MN1: variants seen among roughly 807,000 people sequenced by gnomAD.
The protein encoded by MN1 is transcriptional activator MN1.
Under a neutral mutation model 86.9 loss-of-function variants are expected in MN1, and 19 were observed. That is an observed-to-expected ratio of 0.22 (90% CI 0.15 to 0.32). The LOEUF is 0.32. Among genes scored for constraint, MN1 ranks in the 10% least tolerant of loss-of-function variants. The probability of loss-of-function intolerance (pLI) is 1.00; values close to 1 mark genes in which losing one functional copy is unlikely to be tolerated. For synonymous variants in MN1, 928 were observed against 849.6 expected (o/e 1.09, Z -1.60); for missense variants, 1,841 against 1,862.0 (o/e 0.99, Z 0.21).
Position 27,797,899 on chromosome 22 carries a change from C to G in MN1, c.2645G>C (p.Gly882Ala), listed in dbSNP as rs1285075317. Residue 882 changes from glycine (G) to alanine (A), a missense_variant, in exon 1 of 2, where the codon GGG becomes GCG. Physicochemically the swap from Gly to Ala is moderately conservative, Grantham distance 60 (BLOSUM62 0). Coordinates refer to ENST00000302326, the MANE Select transcript of MN1 (RefSeq NM_002430.3). ...GGGTCCTGGGGCCCCAGGAGCAGTCCCTCCTGGGAAGTAATCCGAGCCCGG... is the reference window on the plus strand; with the variant it reads ...GGGTCCTGGGGCCCCAGGAGCAGTCGCTCCTGGGAAGTAATCCGAGCCCGG... ...GNPGSDYFPG[G>A]TAPGAPGPGG... 1.3e-6 allele frequency: 2 copies of G among 1,597,694 alleles called. No homozygotes were observed. The highest frequency in any genetic ancestry group is 2.2e-5 in the South Asian group (2 of 89,726).
chr22:27,799,369 C>T lies in MN1; in HGVS notation c.1175G>A (p.Gly392Asp). 1 of 1,557,686 alleles carries T rather than the reference C, an allele frequency of 6.4e-7. No individual in the cohort carries two copies. The highest frequency in any genetic ancestry group is 8.7e-7 in the Non-Finnish European group (1 of 1,154,472). ...QQGEAGTPSG[G>D]LQDGGPMLPS... ...CAGCATGGGGCCTCCGTCCTGCAGG[C>T]CGCCGCTGGGCGTGCCCGCCTCGCC... Residue 392 changes from glycine to aspartate, a missense_variant, in exon 1 of 2, where the codon GGC becomes GAC. Gly to Asp is a moderately conservative substitution (Grantham distance 94, BLOSUM62 -1). Transcript: ENST00000302326.
chr22:27,779,401 C>T (rs999882470), intron 1 of MN1, among the ~76,000 whole-genome samples: 1 of 152,166 alleles, frequency 6.6e-6, no homozygotes, highest in Non-Finnish European at 1.5e-5. Context: ...ACCACTGTCC[C>T]GTCACCTGTG....
At chr22:27,762,414 G>A (rs1932840832) in intron 1 of MN1, among the ~76,000 whole-genome samples, 1 of 152,136 alleles carries the variant, frequency 6.6e-6, no homozygotes, top group South Asian at 2.1e-4. Context: ...CAGTGCCAGG[G>A]GCTGACTTCA....
intron 1 of MN1, among the ~76,000 whole-genome samples, chr22:27,752,206 T>A (rs560458663): frequency 6.6e-6 from 1 of 152,228 alleles, no homozygotes; most frequent in Non-Finnish European, 1.5e-5. Flanking sequence ...AAGGGGAGTG[T>A]CCACCCGGCT....
intron 1 of MN1, among the ~76,000 whole-genome samples, chr22:27,767,726 A>G (rs1932880527): frequency 6.6e-6 from 1 of 151,986 alleles, no homozygotes; most frequent in Non-Finnish European, 1.5e-5. Context: ...CGCTCCAACA[A>G]CATCTCTGGG....
rs1932720849 is a variant in MN1, at chr22:27,748,598, T to G, written c.*2317A>C. 4.8e-6 allele frequency: 1 copy of G among 209,230 alleles called. No homozygotes were observed. The highest frequency in any genetic ancestry group is 2.3e-5 in the African/African-American group (1 of 43,940). The allele number at this position is 209,230 out of a possible 1,614,324, so 13.0% of individuals were successfully genotyped here. A position where few individuals can be genotyped will look rare whatever the true frequency, so the allele number is the denominator to read the frequency against. ...CAGTACTGATTACCAGTGTTCGGAG[T>G]CTAGTGTGTAGGGTGTGTTTTTCAT... is the stretch of plus-strand genomic sequence containing the variant. On this transcript the variant is annotated 3_prime_UTR_variant, in exon 2 of 2. Transcript: ENST00000302326.
intron 1 of MN1, among the ~76,000 whole-genome samples, chr22:27,782,973 C>T (rs566708156): frequency 2.5e-4 from 38 of 152,112 alleles, no homozygotes; most frequent in African/African-American, 8.9e-4. Context: ...AGAATCAAAA[C>T]GCCAGGGCTG....
chr22:27,799,708 G>C lies in MN1; in HGVS notation c.836C>G (p.Ala279Gly). The C allele has an allele frequency of 1.3e-6, 2 of 1,565,848 alleles. No individual in the cohort carries two copies. Among genetic ancestry groups the C allele is most frequent in the Non-Finnish European group, 1.7e-6 (2 of 1,156,018 alleles). ...AFPGASAMPR[A>G]AGMVGLSKMH... ...TTTGGACAAGCCCACCATGCCCGCA[G>C]CTCTGGGCATGGCCGAGGCGCCCGG... Residue 279 changes from alanine (A) to glycine (G), a missense_variant, in exon 1 of 2, where the codon GCT (alanine) becomes GGT (glycine). Coordinates refer to ENST00000302326, the MANE Select transcript of MN1 (RefSeq NM_002430.3).
intron 1 of MN1, among the ~76,000 whole-genome samples, chr22:27,778,376 A>G (rs1042054779): frequency 6.6e-6 from 1 of 152,172 alleles, no homozygotes; most frequent in Non-Finnish European, 1.5e-5. Flanking sequence ...ACCCTCCTAA[A>G]TTCCGCAGGC....
In MN1 at chr22:27,799,764, T is replaced by C; in HGVS notation, c.780A>G (p.Ala260=). 1 of 1,594,306 alleles carries C rather than the reference T, an allele frequency of 6.3e-7. No homozygotes were observed. Among genetic ancestry groups the C allele is most frequent in the Non-Finnish European group, 8.5e-7 (1 of 1,170,030 alleles). ...SDSEGQLPHY[A]AGRQVPGGAF... ...CGCCCCCAGGAACCTGGCGACCCGC[T>C]GCATAATGAGGCAGCTGCCCTTCGG... The change falls in exon 1 of 2, where the codon GCA becomes GCG. Residue 260 remains alanine, a synonymous_variant. Transcript: ENST00000302326.
At chr22:27,771,185 A>G (rs1932911192) in intron 1 of MN1, among the ~76,000 whole-genome samples, 2 of 142,238 alleles carry the variant, frequency 1.4e-5, no homozygotes, top group Admixed American at 7.1e-5. Flanking sequence ...TAACCCCATG[A>G]GCTAAGAATG....
At position 27,780,565 on chromosome 22, in the gene MN1, T is replaced by TC. The variant is rs762662461; in HGVS notation, c.3781+16197dup. Among the ~76,000 whole-genome samples the TC allele has an allele frequency of 1.1e-3, 174 of 152,164 alleles. 1 individual carries two copies. The highest frequency in any genetic ancestry group is 2.2e-3 in the Non-Finnish European group (150 of 67,996). On this transcript the variant is annotated intron_variant, in intron 1 of 1. Transcript: ENST00000302326. Reference sequence around the variant, plus strand: ...GCATATCAGAGCATTTATTTTTCTCTCCCCCTACCCCAGAGAGCCAGGTGT... The same window carrying TC: ...GCATATCAGAGCATTTATTTTTCTCTCCCCCCTACCCCAGAGAGCCAGGTGT...
chr22:27,796,914 G>A lies in MN1; in HGVS notation c.3630C>T (p.Ala1210=). ...GSCCSEAVKS[A]MSTIDLDSLM... Reference sequence around the variant, plus strand: ...GCGAGTCCAGGTCAATGGTGCTCATGGCGCTCTTGACCGCCTCGGAGCAGC... The same window carrying A: ...GCGAGTCCAGGTCAATGGTGCTCATAGCGCTCTTGACCGCCTCGGAGCAGC... Residue 1210 remains alanine, a synonymous_variant, in exon 1 of 2, where the codon GCC becomes GCT. Coordinates refer to ENST00000302326, the MANE Select transcript of MN1 (RefSeq NM_002430.3). 1 of 1,613,000 alleles carries A rather than the reference G, an allele frequency of 6.2e-7. No individual in the cohort carries two copies. The highest frequency in any genetic ancestry group is 8.5e-7 in the Non-Finnish European group (1 of 1,179,976).
At chr22:27,778,753 G>A (rs1427957911) in intron 1 of MN1, among the ~76,000 whole-genome samples, 1 of 152,198 alleles carries the variant, frequency 6.6e-6, no homozygotes, top group Non-Finnish European at 1.5e-5. Flanking sequence ...CTAGCCATCA[G>A]GTGACTAATG....
At chr22:27,766,323 T>C (rs1421764073) in intron 1 of MN1, among the ~76,000 whole-genome samples, 2 of 152,208 alleles carry the variant, frequency 1.3e-5, no homozygotes, top group Non-Finnish European at 2.9e-5. Flanking sequence ...GCTGACTGAC[T>C]TGGCTCTTCG....
rs1167931662 is a variant in MN1 at position 27,797,261 on chromosome 22, C to T, written c.3283G>A (p.Gly1095Arg). 5 of 1,585,074 alleles carry T rather than the reference C, an allele frequency of 3.2e-6. No individual in the cohort carries two copies. The East Asian group carries it at 6.8e-5, about 21-fold the overall frequency. The part of the protein sequence containing the change: ...PPRGVGAGEH[G>R]PKAPPPALGL... ...AGGGCGGGCGGGGGCGCCTTCGGTC[C>T]GTGTTCCCCGGCGCCTACCCCACGG... Residue 1095 changes from glycine to arginine, a missense_variant, in exon 1 of 2, where the codon GGA becomes AGA. Gly to Arg is a moderately radical substitution (Grantham distance 125). Coordinates refer to ENST00000302326, the MANE Select transcript of MN1 (RefSeq NM_002430.3).
rs1932756874 is a variant in MN1, at chr22:27,750,830, C to A, written c.*85G>T. On this transcript the variant is annotated 3_prime_UTR_variant, in exon 2 of 2. Transcript: ENST00000302326. ...AGCAATAGTGGCCCTTTCAAATTAACAGAGGGGTGGGGTAAGGTTGAGGGG... is the reference window on the plus strand; with the variant it reads ...AGCAATAGTGGCCCTTTCAAATTAAAAGAGGGGTGGGGTAAGGTTGAGGGG... 2 of 1,211,578 alleles carry A rather than the reference C, an allele frequency of 1.7e-6. No individual in the cohort carries two copies. The highest frequency in any genetic ancestry group is 2.9e-5 in the Admixed American group (1 of 34,464). The allele number at this position is 1,211,578 out of a possible 1,614,324, so 75.1% of individuals were successfully genotyped here.
chr22:27,782,838 A>C (rs531538931), intron 1 of MN1, among the ~76,000 whole-genome samples: 2 of 152,268 alleles, frequency 1.3e-5, no homozygotes, highest in East Asian at 3.9e-4. Context: ...TAGCTAAAAC[A>C]TACTATTTGG....
Position 27,799,715 on chromosome 22 carries a change from G to C in MN1, c.829C>G (p.Pro277Ala). 1 of 1,568,716 alleles carries C rather than the reference G, an allele frequency of 6.4e-7. No individual in the cohort carries two copies. Among genetic ancestry groups the C allele is most frequent in the Non-Finnish European group, 8.6e-7 (1 of 1,157,596 alleles). ...GGAFPGASAM[P>A]RAAGMVGLSK... is the part of the protein sequence containing the mutation. ...AAGCCCACCATGCCCGCAGCTCTGGGCATGGCCGAGGCGCCCGGGAAAGCG... is the reference window on the plus strand; with the variant it reads ...AAGCCCACCATGCCCGCAGCTCTGGCCATGGCCGAGGCGCCCGGGAAAGCG... The change falls in exon 1 of 2, where the codon CCC becomes GCC. Residue 277 changes from proline (P) to alanine (A), a missense_variant. Coordinates refer to ENST00000302326, the MANE Select transcript of MN1 (RefSeq NM_002430.3).
Sources: gnomAD v4.1 joint callset for allele counts (sites outside exome capture counted in the v4.1 genomes callset) on GRCh38, gnomAD v4.1.1 for gene constraint, MANE v1.5 for transcripts, NCBI Gene and HGNC (gene_info 2026-07-23, HGNC 2026-07-21) for gene names.